The following SH3BGR variants were observed in gnomAD, a reference collection of about 807,000 sequenced individuals.
SH3BGR encodes SH3 domain binding glutamate rich protein.
A neutral mutation model predicts 24.5 loss-of-function variants in SH3BGR; 29 were observed. The ratio of observed to expected loss-of-function variants is 1.18; its 90% CI spans 0.88 to 1.61. SH3BGR has a LOEUF of 1.61. Among genes scored for constraint, SH3BGR ranks in the 40% most tolerant of loss-of-function variants. The probability of loss-of-function intolerance (pLI) is 0.00; values close to 1 mark genes in which losing one functional copy is unlikely to be tolerated. For synonymous variants in SH3BGR, 55 were observed against 65.7 expected, an observed-to-expected ratio of 0.84 and a Z score of 0.79; for missense variants, 162 against 205.8, an observed-to-expected ratio of 0.79 and a Z score of 1.30.
intron 3 of SH3BGR, among the ~76,000 whole-genome samples, chr21:39,479,687 C>T (rs1003926757): frequency 2.6e-5 from 4 of 152,116 alleles, no homozygotes; most frequent in Non-Finnish European, 5.9e-5. Context: ...TCTACAGAGA[C>T]AAAAACTGCT....
intron 3 of SH3BGR, among the ~76,000 whole-genome samples, chr21:39,475,680 C>T (rs932434568): frequency 2.6e-5 from 4 of 152,134 alleles, no homozygotes; most frequent in African/African-American, 7.2e-5. Context: ...GGTAAGATCT[C>T]GATTCAACGA....
intron 1 of SH3BGR, 23 bp from the exon 2 acceptor site, chr21:39,462,352 A>G (rs1418498321): frequency 6.4e-7 from 1 of 1,565,940 alleles, no homozygotes; most frequent in Non-Finnish European, 8.6e-7. Flanking sequence ...TAAACAGCCT[A>G]ATATTTCTCT....
At chr21:39,499,974 C>A in intron 4 of SH3BGR, 59 bp downstream of exon 4, 1 of 1,238,144 alleles carries the variant, frequency 8.1e-7, no homozygotes, top group Non-Finnish European at 1.2e-6. Flanking sequence ...GAGACTTTTA[C>A]AGGGCTTGTA....
At chr21:39,448,790 C>T (rs1017070345), upstream of SH3BGR, among the ~76,000 whole-genome samples, 4 of 152,174 alleles carry the variant, frequency 2.6e-5, no homozygotes, top group African/African-American at 7.2e-5. Flanking sequence ...AAACCAGCTT[C>T]GAAAAAGCAT....
chr21:39,459,142 G>A (rs2077712997), intron 1 of SH3BGR, among the ~76,000 whole-genome samples: 1 of 151,564 alleles, frequency 6.6e-6, no homozygotes, highest in African/African-American at 2.4e-5. Context: ...ACTGTTGATT[G>A]ATTATTTGTT....
Position 39,482,469 on chromosome 21 carries a change from G to A in SH3BGR, c.312+7254G>A, listed in dbSNP as rs184846297. ...AGGAATTGGATATTAGATGACATTAGGGAGTTCTTGTTAGTTTTCTTAGAT... is the reference window on the plus strand; with the variant it reads ...AGGAATTGGATATTAGATGACATTAAGGAGTTCTTGTTAGTTTTCTTAGAT... On this transcript the variant is annotated intron_variant, in intron 3 of 6. Coordinates refer to ENST00000333634, the MANE Select transcript of SH3BGR (RefSeq NM_007341.3). Among the ~76,000 whole-genome samples the A allele has an allele frequency of 2.3e-3, 354 of 152,292 alleles. 1 individual carries two copies. The highest frequency in any genetic ancestry group is 8.3e-3 in the African/African-American group (346 of 41,566).
intron 3 of SH3BGR, among the ~76,000 whole-genome samples, chr21:39,495,265 A>T (rs2078373950): frequency 6.6e-6 from 1 of 151,920 alleles, no homozygotes; most frequent in Non-Finnish European, 1.5e-5. Context: ...AGTATTTTGG[A>T]TGGTATCTTG....
intron 2 of SH3BGR, among the ~76,000 whole-genome samples, chr21:39,471,319 C>T (rs4608607): frequency 0.89 from 135,242 of 152,166 alleles, 60,108 homozygotes; most frequent in Middle Eastern, 0.89. Flanking sequence ...AGATGTTGCA[C>T]GCCTATAATC....
intron 3 of SH3BGR, 90 bp downstream of exon 3, chr21:39,475,305 T>TTTAGA: frequency 1.3e-6 from 1 of 779,128 alleles, no homozygotes; most frequent in Non-Finnish European, 2.2e-6. Flanking sequence ...TAATACATGA[T>TTTAGA]GATCTCTAAA....
At chr21:39,448,634 A>G (rs1246686205), upstream of SH3BGR, among the ~76,000 whole-genome samples, 4 of 152,178 alleles carry the variant, frequency 2.6e-5, no homozygotes, top group Non-Finnish European at 5.9e-5. Context: ...CAATGAGCTG[A>G]GATCAAGCCA....
chr21:39,475,082 A>T, intron 2 of SH3BGR, 53 bp from the exon 3 acceptor site: 1 of 1,117,590 alleles, frequency 8.9e-7, no homozygotes, highest in Non-Finnish European at 1.3e-6. Flanking sequence ...TCCGTAAATA[A>T]ACTGGCTCAC....
intron 3 of SH3BGR, among the ~76,000 whole-genome samples, chr21:39,499,519 A>AG (rs1250814429): frequency 2.6e-5 from 4 of 152,220 alleles, no homozygotes; most frequent in African/African-American, 9.6e-5. Context: ...AAGCAATAGA[A>AG]AACACTGTGT....
intron 1 of SH3BGR, among the ~76,000 whole-genome samples, chr21:39,459,965 C>T (rs1170523446): frequency 6.6e-6 from 1 of 152,192 alleles, no homozygotes; most frequent in Non-Finnish European, 1.5e-5. Flanking sequence ...AAGATGGCAT[C>T]ATACATTTTC....
At chr21:39,505,520 C>T (rs972551167) in intron 4 of SH3BGR, among the ~76,000 whole-genome samples, 1 of 152,050 alleles carries the variant, frequency 6.6e-6, no homozygotes, top group Non-Finnish European at 1.5e-5. Flanking sequence ...CCCAGCACTT[C>T]GGGAGGCTGA....
At chr21:39,493,797 G>C (rs58929534) in intron 3 of SH3BGR, among the ~76,000 whole-genome samples, 4 of 152,134 alleles carry the variant, frequency 2.6e-5, no homozygotes, top group Admixed American at 1.3e-4. Flanking sequence ...TCTTTCAGCA[G>C]TTTTGTAATT....
At chr21:39,504,612 T>G (rs761375547) in intron 4 of SH3BGR, among the ~76,000 whole-genome samples, 1 of 152,198 alleles carries the variant, frequency 6.6e-6, no homozygotes, top group African/African-American at 2.4e-5. Context: ...CAAGGTGAAA[T>G]TACTTTAAGG....
At chr21:39,470,105 CT>C (rs954209584) in intron 2 of SH3BGR, among the ~76,000 whole-genome samples, 4 of 151,152 alleles carry the variant, frequency 2.6e-5, no homozygotes, top group African/African-American at 9.7e-5. Flanking sequence ...TTTTTTAATC[CT>C]TTCTTGATGT....
intron 3 of SH3BGR, among the ~76,000 whole-genome samples, chr21:39,479,245 T>G (rs987518798): frequency 2.1e-5 from 3 of 145,222 alleles, no homozygotes; most frequent in Non-Finnish European, 4.6e-5. Flanking sequence ...GTGGTGGTGG[T>G]GGTGGTGGTG....
intron 2 of SH3BGR, among the ~76,000 whole-genome samples, chr21:39,470,578 A>T (rs1490476179): frequency 6.6e-6 from 1 of 152,186 alleles, no homozygotes; most frequent in African/African-American, 2.4e-5. Context: ...AAACATTAAA[A>T]GGGCCTTTAG....
Sources: allele counts gnomAD v4.1 joint callset (sites outside exome capture counted in the v4.1 genomes callset), GRCh38; gene constraint gnomAD v4.1.1; transcripts MANE v1.5; gene names NCBI Gene and HGNC (gene_info 2026-07-23, HGNC 2026-07-21).